The following PPP3CC variants were observed in gnomAD, a reference collection of about 807,000 sequenced individuals.
The protein encoded by PPP3CC is protein phosphatase 3 catalytic subunit gamma.
PPP3CC carries 35 observed loss-of-function variants against 60.3 expected under a neutral mutation model. That is an observed-to-expected ratio of 0.58 (90% CI 0.44 to 0.77). The LOEUF is 0.77. Among genes scored for constraint, PPP3CC ranks in the 30% least tolerant of loss-of-function variants. The pLI, the probability that PPP3CC is intolerant of heterozygous loss-of-function variation, is 0.00. For missense variants in PPP3CC, 570 were observed against 628.9 expected, an observed-to-expected ratio of 0.91 and a Z score of 1.00; for synonymous variants, 206 against 224.3, an observed-to-expected ratio of 0.92 and a Z score of 0.73.
chr8:22,514,917 A>G (rs1014403124), intron 6 of PPP3CC, among the ~76,000 whole-genome samples: 9 of 152,024 alleles, frequency 5.9e-5, no homozygotes, highest in Admixed American at 5.2e-4. Flanking sequence ...ACCTCAAGTG[A>G]TCCACCCACC....
At chr8:22,458,712 A>G (rs1028686846) in intron 1 of PPP3CC, among the ~76,000 whole-genome samples, 2 of 152,064 alleles carry the variant, frequency 1.3e-5, no homozygotes, top group African/African-American at 4.8e-5. Context: ...ACTTAGATAT[A>G]TTTAGTTATG....
At chr8:22,534,678 G>A (rs1026586131) in intron 12 of PPP3CC, among the ~76,000 whole-genome samples, 18 of 152,282 alleles carry the variant, frequency 1.2e-4, no homozygotes, top group African/African-American at 4.3e-4. Context: ...CTCAAAGCTG[G>A]AAACAACCCA....
At chr8:22,497,808 G>T (rs1382976124) in intron 3 of PPP3CC, among the ~76,000 whole-genome samples, 193 bp from the exon 4 acceptor site, 1 of 152,190 alleles carries the variant, frequency 6.6e-6, no homozygotes, top group African/African-American at 2.4e-5. Flanking sequence ...TGGGAACAGA[G>T]ATTAGAGAGA....
At chr8:22,486,268 T>C (rs538365633) in intron 3 of PPP3CC, among the ~76,000 whole-genome samples, 24 of 152,270 alleles carry the variant, frequency 1.6e-4, no homozygotes, top group African/African-American at 5.8e-4. Flanking sequence ...TAGATGGGAT[T>C]GGGGTTGCAG....
intron 1 of PPP3CC, among the ~76,000 whole-genome samples, chr8:22,461,823 T>A (rs933815898): frequency 2.0e-5 from 3 of 152,160 alleles, no homozygotes; most frequent in African/African-American, 7.2e-5. Flanking sequence ...AATATGTAAT[T>A]TGAGTGAGTT....
At chr8:22,469,830 T>C (rs1837660995) in intron 1 of PPP3CC, among the ~76,000 whole-genome samples, 1 of 152,002 alleles carries the variant, frequency 6.6e-6, no homozygotes, top group Admixed American at 6.6e-5. Flanking sequence ...GAATTTATGG[T>C]CCACAGAACC....
intron 1 of PPP3CC, among the ~76,000 whole-genome samples, chr8:22,446,311 A>G (rs1386117262): frequency 6.6e-6 from 1 of 152,176 alleles, no homozygotes; most frequent in African/African-American, 2.4e-5. Context: ...AGTGGGGAAA[A>G]TATGACACTT....
intron 1 of PPP3CC, among the ~76,000 whole-genome samples, chr8:22,455,457 T>A (rs971170303): frequency 1.3e-5 from 2 of 152,154 alleles, no homozygotes; most frequent in African/African-American, 4.8e-5. Context: ...GGTAAGACTT[T>A]TGTGTTTTTT....
intron 3 of PPP3CC, among the ~76,000 whole-genome samples, chr8:22,484,525 C>T (rs1265878650): frequency 6.6e-6 from 1 of 152,094 alleles, no homozygotes; most frequent in East Asian, 1.9e-4. Context: ...TTTTTTAAAA[C>T]AGGCAATATT....
chr8:22,493,458 G>A (rs186016463), intron 3 of PPP3CC, among the ~76,000 whole-genome samples: 1 of 152,102 alleles, frequency 6.6e-6, no homozygotes, highest in East Asian at 1.9e-4. Flanking sequence ...TATTATGAGT[G>A]AATGTGAAGG....
intron 1 of PPP3CC, among the ~76,000 whole-genome samples, chr8:22,460,755 C>T (rs1411930066): frequency 3.3e-5 from 5 of 152,036 alleles, no homozygotes; most frequent in Admixed American, 2.0e-4. Flanking sequence ...TCGAGGCTAC[C>T]GTGAGGCATG....
At chr8:22,525,121 A>T (rs1388177703) in intron 8 of PPP3CC, among the ~76,000 whole-genome samples, 15 of 151,478 alleles carry the variant, frequency 9.9e-5, no homozygotes. Flanking sequence ...ACTGCATTCC[A>T]GCCAGGCAAT....
At chr8:22,458,751 A>C (rs983455596) in intron 1 of PPP3CC, among the ~76,000 whole-genome samples, 1 of 152,120 alleles carries the variant, frequency 6.6e-6, no homozygotes, top group African/African-American at 2.4e-5. Flanking sequence ...TTGGTAATGT[A>C]CACTCTTTCA....
chr8:22,490,683 A>G (rs549171894), intron 3 of PPP3CC, among the ~76,000 whole-genome samples: 62 of 138,554 alleles, frequency 4.5e-4, no homozygotes, highest in African/African-American at 1.6e-3. Context: ...ATTCCCACCT[A>G]TGAGTGAGAA....
chr8:22,475,071 T>C lies in PPP3CC; in HGVS notation c.167T>C (p.Val56Ala), dbSNP rs761936868. ...LVKEGRLEEE[V>A]ALKIINDGAA... ...AAGGAAGGACGACTGGAAGAGGAAG[T>C]AGCCTTAAAGATAATCAATGATGGG... is the stretch of plus-strand genomic sequence containing the variant. The change falls in exon 2 of 14, where the codon GTA (valine) becomes GCA (alanine). Residue 56 changes from valine to alanine, a missense_variant. Transcript: ENST00000240139. The C allele has an allele frequency of 3.1e-6, 5 of 1,613,702 alleles. No homozygotes were observed. Among genetic ancestry groups the C allele is most frequent in the Non-Finnish European group, 4.2e-6 (5 of 1,179,726 alleles).
chr8:22,470,577 A>G (rs1050359474), intron 1 of PPP3CC, among the ~76,000 whole-genome samples: 4 of 152,226 alleles, frequency 2.6e-5, no homozygotes, highest in African/African-American at 7.2e-5. Flanking sequence ...AAGAAAAGAT[A>G]CTAAATGTTT....
At chr8:22,488,090 C>T (rs1191508068) in intron 3 of PPP3CC, among the ~76,000 whole-genome samples, 1 of 151,962 alleles carries the variant, frequency 6.6e-6, no homozygotes, top group Admixed American at 6.6e-5. Context: ...TATCTCGTTA[C>T]CTCAAAAAGG....
chr8:22,540,501 G>A (rs972993597), intron 13 of PPP3CC, 114 bp from the exon 14 acceptor site: 3 of 1,050,778 alleles, frequency 2.9e-6, no homozygotes, highest in African/African-American at 3.2e-5. Context: ...GTGCTCCATA[G>A]CCACCTTTCT....
rs773277977 is a variant in PPP3CC, at chr8:22,540,775, C to T, written c.1512C>T (p.Ser504=). 9.9e-6 allele frequency: 16 copies of T among 1,612,232 alleles called. No homozygotes were observed. Among genetic ancestry groups the T allele is most frequent in the Non-Finnish European group, 1.3e-5 (15 of 1,179,226 alleles). ...CACACTCACATGCTGCGCACAGGAG[C>T]GACCAAGGGAAGAAAGCCCATTCAT... ...TSAHSHAAHR[S]DQGKKAHS Residue 504 remains serine, a synonymous_variant, in exon 14 of 14, where the codon AGC becomes AGT. Coordinates refer to ENST00000240139, the MANE Select transcript of PPP3CC (RefSeq NM_005605.5).
Sources: allele counts gnomAD v4.1 joint callset (sites outside exome capture counted in the v4.1 genomes callset), GRCh38; gene constraint gnomAD v4.1.1; transcripts MANE v1.5; gene names NCBI Gene and HGNC (gene_info 2026-07-23, HGNC 2026-07-21).